PTPRM: variants seen among roughly 807,000 people sequenced by gnomAD.
PTPRM encodes the protein receptor-type tyrosine-protein phosphatase mu.
In PTPRM, 47 loss-of-function variants were observed where a neutral mutation model predicts 186.7. The observed-to-expected ratio is 0.25, with a 90% CI of 0.20 to 0.32. The LOEUF is 0.32. PTPRM is among the 10% of genes least tolerant of loss of function. The pLI is 1.00. For synonymous variants in PTPRM, 668 were observed against 674.9 expected (o/e 0.99, Z 0.16); for missense variants, 1,494 against 1,865.0 (o/e 0.80, Z 3.66).
rs546853272 is a variant in PTPRM at position 7,797,232 on chromosome 18, G to A, written c.196+22961G>A. On this transcript the variant is annotated intron_variant, in intron 2 of 32. Coordinates refer to ENST00000580170, the MANE Select transcript of PTPRM (RefSeq NM_001105244.2). ...GTCCTGAAGCACATGCAGGTGCCTG[G>A]CCTTGCCTGCCTCCCTGCTGTCACT... Among the ~76,000 whole-genome samples, 8 of 152,326 alleles carry A rather than the reference G, an allele frequency of 5.3e-5. No homozygotes were observed. In the South Asian group the frequency reaches 1.7e-3, roughly 32 times the overall value.
rs1568789326 is a variant in PTPRM, at chr18:8,343,405, T to C, written c.2957-18T>C. 5 of 1,602,816 alleles carry C rather than the reference T, an allele frequency of 3.1e-6. No homozygotes were observed. Among genetic ancestry groups the C allele is most frequent in the Non-Finnish European group, 4.2e-6 (5 of 1,176,632 alleles). On this transcript the variant is annotated intron_variant, in intron 22 of 32. Transcript: ENST00000580170. Reference sequence around the variant, plus strand: ...ACTTACAACAAAAACAAAAAGTTTCTGTTGTGTTTTGCTGCAGGGCCAATG... The same window carrying C: ...ACTTACAACAAAAACAAAAAGTTTCCGTTGTGTTTTGCTGCAGGGCCAATG...
At chr18:8,311,451 C>G (rs1025366587) in intron 20 of PTPRM, among the ~76,000 whole-genome samples, 1 of 152,162 alleles carries the variant, frequency 6.6e-6, no homozygotes, top group Non-Finnish European at 1.5e-5. Flanking sequence ...AGGCAGGGCC[C>G]CACACATGGG....
intron 23 of PTPRM, among the ~76,000 whole-genome samples, chr18:8,363,601 C>T (rs2095610019): frequency 1.3e-5 from 2 of 152,178 alleles, no homozygotes; most frequent in Admixed American, 6.5e-5. Flanking sequence ...GTTTATTGCC[C>T]TTGCTGGTGG....
At chr18:8,018,297 A>AATATTAGGT (rs1348419121) in intron 7 of PTPRM, among the ~76,000 whole-genome samples, 9 of 152,156 alleles carry the variant, frequency 5.9e-5, no homozygotes, top group Non-Finnish European at 8.8e-5. Flanking sequence ...TCTAAACAAT[A>AATATTAGGT]ATATTAGGTA....
chr18:7,932,218 A>G (rs1171157058), intron 5 of PTPRM, among the ~76,000 whole-genome samples: 1 of 152,194 alleles, frequency 6.6e-6, no homozygotes, highest in African/African-American at 2.4e-5. Context: ...CTAGGGGTTG[A>G]GGTGTGCATG....
chr18:7,759,018 C>A (rs903263402), intron 1 of PTPRM, among the ~76,000 whole-genome samples: 1 of 152,170 alleles, frequency 6.6e-6, no homozygotes, highest in African/African-American at 2.4e-5. Flanking sequence ...TGAGACAGAG[C>A]TATCAGCTGG....
intron 2 of PTPRM, among the ~76,000 whole-genome samples, chr18:7,841,246 C>T (rs1294055414): frequency 1.4e-5 from 2 of 146,106 alleles, no homozygotes; most frequent in African/African-American, 5.1e-5. Context: ...AACTTCAGGT[C>T]AGACAGGTTT....
chr18:8,202,594 T>C (rs942073681), intron 14 of PTPRM, among the ~76,000 whole-genome samples: 1 of 152,016 alleles, frequency 6.6e-6, no homozygotes, highest in African/African-American at 2.4e-5. Context: ...CTCTGATTTT[T>C]TTTTTTTAAT....
intron 1 of PTPRM, among the ~76,000 whole-genome samples, chr18:7,674,054 C>G (rs528731478): frequency 1.3e-5 from 2 of 152,130 alleles, no homozygotes; most frequent in African/African-American, 4.8e-5. Flanking sequence ...ACTGAGGGAG[C>G]CTGTGCTTTT....
intron 2 of PTPRM, among the ~76,000 whole-genome samples, chr18:7,787,659 G>A (rs975064070): frequency 6.6e-6 from 1 of 152,180 alleles, no homozygotes. Context: ...TCAGATGACT[G>A]CAGTGGGTGT....
At chr18:7,817,218 G>T (rs1220767638) in intron 2 of PTPRM, among the ~76,000 whole-genome samples, 1 of 152,090 alleles carries the variant, frequency 6.6e-6, no homozygotes, top group Non-Finnish European at 1.5e-5. Flanking sequence ...CAGGTGATCT[G>T]CCCGCCTCGG....
intron 1 of PTPRM, among the ~76,000 whole-genome samples, chr18:7,612,441 T>G (rs1008171022): frequency 6.6e-6 from 1 of 152,178 alleles, no homozygotes; most frequent in African/African-American, 2.4e-5. Flanking sequence ...CTTACAGATT[T>G]ATCGCACTTT....
At chr18:7,892,949 A>G (rs1278787090) in intron 3 of PTPRM, among the ~76,000 whole-genome samples, 2 of 152,128 alleles carry the variant, frequency 1.3e-5, no homozygotes, top group African/African-American at 4.8e-5. Flanking sequence ...ACCTCCTAAT[A>G]CCACCATTTT....
At chr18:8,155,207 A>C (rs2093095574) in intron 14 of PTPRM, 2 of 152,240 alleles carry the variant, frequency 1.3e-5, no homozygotes, top group Admixed American at 1.3e-4. Context: ...ATAAGGAATA[A>C]TGTATCTCAA....
At chr18:8,161,192 G>C (rs551706443) in intron 14 of PTPRM, among the ~76,000 whole-genome samples, 1 of 152,348 alleles carries the variant, frequency 6.6e-6, no homozygotes, top group Non-Finnish European at 1.5e-5. Context: ...ATGCAGGAGT[G>C]GTGTTGGCTC....
intron 1 of PTPRM, among the ~76,000 whole-genome samples, chr18:7,705,301 A>ATCTGTCTGTCTG (rs1568040969): frequency 2.6e-4 from 40 of 151,314 alleles, no homozygotes; most frequent in African/African-American, 8.3e-4. Flanking sequence ...CTATCTATCT[A>ATCTGTCTGTCTG]TCTATCTATC....
chr18:7,783,748 T>TTTTG (rs71354568), intron 2 of PTPRM, among the ~76,000 whole-genome samples: 5 of 146,724 alleles, frequency 3.4e-5, no homozygotes, highest in South Asian at 2.2e-4. Flanking sequence ...ATTTTTAATT[T>TTTTG]TGTGTGTGTG....
chr18:7,976,173 A>C lies in PTPRM; in HGVS notation c.1132+20759A>C, dbSNP rs532173818. On this transcript the variant is annotated intron_variant, in intron 7 of 32. Coordinates refer to ENST00000580170, the MANE Select transcript of PTPRM (RefSeq NM_001105244.2). ...ACAGAGGGAGACTCCGTCTCAAAAA[A>C]ATAAAAAATAAAAAATGAAAAAAAG... Among the ~76,000 whole-genome samples, 20 of 152,292 alleles carry C rather than the reference A, an allele frequency of 1.3e-4. No individual in the cohort carries two copies. In the South Asian group the frequency reaches 4.1e-3, roughly 32 times the overall value.
intron 22 of PTPRM, among the ~76,000 whole-genome samples, chr18:8,335,927 C>G (rs531063360): frequency 2.0e-5 from 3 of 152,144 alleles, no homozygotes; most frequent in Non-Finnish European, 4.4e-5. Context: ...GAGGTTGAGC[C>G]AGGAGAATCA....
Sources: gnomAD v4.1 joint callset for allele counts (sites outside exome capture counted in the v4.1 genomes callset) on GRCh38, gnomAD v4.1.1 for gene constraint, MANE v1.5 for transcripts, NCBI Gene and HGNC (gene_info 2026-07-23, HGNC 2026-07-21) for gene names.